SMARCC1: variants seen among roughly 807,000 people sequenced by gnomAD.
The protein encoded by SMARCC1 is SWI/SNF complex subunit SMARCC1.
Under a neutral mutation model 147.4 loss-of-function variants are expected in SMARCC1, and 43 were observed. The ratio of observed to expected loss-of-function variants is 0.29; its 90% CI spans 0.23 to 0.38. The LOEUF (loss-of-function observed/expected upper bound fraction) is 0.38, where lower values mean the gene tolerates loss of function less well. Among genes scored for constraint, SMARCC1 ranks in the 10% least tolerant of loss-of-function variants. SMARCC1 has a pLI of 1.00. For synonymous variants in SMARCC1, 495 were observed against 484.4 expected (o/e 1.02, Z -0.29); for missense variants, 1,119 against 1,381.1 (o/e 0.81, Z 3.01).
intron 24 of SMARCC1, among the ~76,000 whole-genome samples, chr3:47,632,322 G>A (rs1399694993): frequency 1.3e-5 from 2 of 151,830 alleles, no homozygotes; most frequent in Admixed American, 1.3e-4. Context: ...TTTTTTTGTA[G>A]AGACAGAGTC....
intron 1 of SMARCC1, among the ~76,000 whole-genome samples, chr3:47,780,709 GA>G (rs1262480817): frequency 1.3e-5 from 2 of 152,136 alleles, no homozygotes; most frequent in African/African-American, 4.8e-5. Flanking sequence ...CTCAATAGGA[GA>G]AAGTACAGAA....
In SMARCC1 at chr3:47,599,613, A is replaced by T. The variant is rs892850258; in HGVS notation, c.3044-8776T>A. ...GCTCAGATCTGATACAGGTACTCTGATTCTAGAGATGGTGCTTGCAGCCAG... is the reference window on the plus strand; with the variant it reads ...GCTCAGATCTGATACAGGTACTCTGTTTCTAGAGATGGTGCTTGCAGCCAG... On this transcript the variant is annotated intron_variant, in intron 26 of 27. Transcript: ENST00000254480. Among the ~76,000 whole-genome samples the T allele has an allele frequency of 2.0e-5, 3 of 152,314 alleles. No individual in the cohort carries two copies. The East Asian group carries it at 5.8e-4, about 29-fold the overall frequency.
At chr3:47,682,166 G>C (rs1420717385) in intron 14 of SMARCC1, among the ~76,000 whole-genome samples, 1 of 151,664 alleles carries the variant, frequency 6.6e-6, no homozygotes, top group Admixed American at 6.6e-5. Context: ...ATGGTGTTGG[G>C]TGCCTGTAGT....
intron 25 of SMARCC1, 99 bp from the exon 26 acceptor site, chr3:47,610,426 C>T: frequency 1.6e-6 from 2 of 1,269,722 alleles, no homozygotes; most frequent in Non-Finnish European, 1.1e-6. Flanking sequence ...TACCTCTATC[C>T]CATCACACTG....
intron 3 of SMARCC1, among the ~76,000 whole-genome samples, 193 bp downstream of exon 3, chr3:47,745,715 T>C (rs1231453304): frequency 6.6e-6 from 1 of 152,146 alleles, no homozygotes; most frequent in Non-Finnish European, 1.5e-5. Flanking sequence ...GTCCTATTTT[T>C]AAGACCCTGT....
intron 18 of SMARCC1, 105 bp from the exon 19 acceptor site, chr3:47,670,822 A>G (rs1204398094): frequency 4.0e-6 from 3 of 754,648 alleles, no homozygotes; most frequent in Non-Finnish European, 7.2e-6. Flanking sequence ...GCAAACTATC[A>G]TGGTAAGTCT....
At chr3:47,626,984 C>T (rs890401081) in intron 24 of SMARCC1, among the ~76,000 whole-genome samples, 3 of 152,160 alleles carry the variant, frequency 2.0e-5, no homozygotes, top group Non-Finnish European at 4.4e-5. Context: ...GAAGTTAATA[C>T]TACTAAATGA....
chr3:47,753,471 T>C (rs1334851430), intron 2 of SMARCC1, among the ~76,000 whole-genome samples: 23 of 151,776 alleles, frequency 1.5e-4, no homozygotes, highest in Admixed American at 1.5e-3. Flanking sequence ...CTGAGCACTT[T>C]GGGAGGCCGA....
chr3:47,680,518 A>G lies in SMARCC1; in HGVS notation c.1386-10T>C, dbSNP rs1251638948. On this transcript the variant is annotated splice_polypyrimidine_tract_variant and intron_variant, in intron 14 of 27. Transcript: ENST00000254480. Reference sequence around the variant, plus strand: ...TTCAATCACATGAATACTGAAAAGAAGAAGAAAAAAAGATTTAGGAGTGTT... The same window carrying G: ...TTCAATCACATGAATACTGAAAAGAGGAAGAAAAAAAGATTTAGGAGTGTT... The G allele has an allele frequency of 6.5e-7, 1 of 1,540,804 alleles. No individual in the cohort carries two copies. The highest frequency in any genetic ancestry group is 2.3e-5 in the East Asian group (1 of 44,390).
At chr3:47,644,816 C>A (rs1300084816) in intron 21 of SMARCC1, among the ~76,000 whole-genome samples, 1 of 152,130 alleles carries the variant, frequency 6.6e-6, no homozygotes, top group Non-Finnish European at 1.5e-5. Context: ...CCAAGAATAA[C>A]TTTTTTAAAA....
At chr3:47,695,805 G>A (rs985823419) in intron 11 of SMARCC1, among the ~76,000 whole-genome samples, 3 of 139,408 alleles carry the variant, frequency 2.2e-5, no homozygotes, top group East Asian at 2.1e-4. Flanking sequence ...TGTGGCTCAC[G>A]CCTGTAATCC....
chr3:47,607,474 G>T (rs2032493355), intron 26 of SMARCC1, among the ~76,000 whole-genome samples: 1 of 152,124 alleles, frequency 6.6e-6, no homozygotes, highest in Non-Finnish European at 1.5e-5. Flanking sequence ...TAAGCACTTG[G>T]TATATTACTG....
At chr3:47,777,813 C>T (rs886984665) in intron 1 of SMARCC1, among the ~76,000 whole-genome samples, 8 of 151,836 alleles carry the variant, frequency 5.3e-5, no homozygotes, top group Admixed American at 3.9e-4. Flanking sequence ...CAGGTGTGAG[C>T]CACAGCCCCC....
rs2034931507 is a variant in SMARCC1, at chr3:47,772,863, T to C, written c.269A>G (p.Asp90Gly). Residue 90 changes from aspartate (D) to glycine (G), a missense_variant, in exon 2 of 28, where the codon GAT becomes GGT. Around this residue, in one of 6 missense-constraint regions of SMARCC1, gnomAD observed 542 missense variants for 611.8 expected, o/e 0.89. Coordinates refer to ENST00000254480, the MANE Select transcript of SMARCC1 (RefSeq NM_003074.4). ...GTTGGTGACATGCTTCCCAAAGGCA[T>C]CTTCCTGGAACTGAAGAAGCTGCAC... ...LVVQLLQFQE[D>G]AFGKHVTNPA... is the part of the protein sequence containing the mutation. The C allele has an allele frequency of 3.1e-6, 5 of 1,613,494 alleles. No individual in the cohort carries two copies. Among genetic ancestry groups the C allele is most frequent in the Non-Finnish European group, 3.4e-6 (4 of 1,179,664 alleles).
At chr3:47,668,089 G>A (rs1052822115) in intron 19 of SMARCC1, among the ~76,000 whole-genome samples, 1 of 151,988 alleles carries the variant, frequency 6.6e-6, no homozygotes, top group African/African-American at 2.4e-5. Flanking sequence ...AAATTCTTTA[G>A]TCACTGTGGA....
intron 7 of SMARCC1, among the ~76,000 whole-genome samples, chr3:47,715,677 G>A (rs1247363355): frequency 1.1e-4 from 16 of 152,172 alleles, no homozygotes; most frequent in Non-Finnish European, 1.5e-5. Context: ...CCCTATCAGA[G>A]TGAAAGTAAA....
chr3:47,593,846 A>G (rs2032225146), intron 26 of SMARCC1, among the ~76,000 whole-genome samples: 1 of 152,150 alleles, frequency 6.6e-6, no homozygotes, highest in African/African-American at 2.4e-5. Context: ...GTGTCAATGA[A>G]GAGAACTACA....
chr3:47,637,273 C>T (rs935718492), intron 22 of SMARCC1, among the ~76,000 whole-genome samples: 1 of 152,168 alleles, frequency 6.6e-6, no homozygotes, highest in African/African-American at 2.4e-5. Context: ...GAACTATAAT[C>T]AATTTCATTA....
At chr3:47,654,948 T>C (rs1334935531) in intron 21 of SMARCC1, among the ~76,000 whole-genome samples, 2 of 152,060 alleles carry the variant, frequency 1.3e-5, no homozygotes, top group African/African-American at 2.4e-5. Context: ...AGAAACCATA[T>C]CCAAACCCCA....
Sources: allele counts gnomAD v4.1 joint callset (sites outside exome capture counted in the v4.1 genomes callset), GRCh38; gene constraint gnomAD v4.1.1; regional missense constraint gnomAD v4.1.1; transcripts MANE v1.5; gene names NCBI Gene and HGNC (gene_info 2026-07-23, HGNC 2026-07-21).